The following CPA4 variants were observed in gnomAD, a reference collection of about 807,000 sequenced individuals.
CPA4 encodes carboxypeptidase A3.
A neutral mutation model predicts 54.7 loss-of-function variants in CPA4; 49 were observed. That is an observed-to-expected ratio of 0.90 (90% CI 0.71 to 1.14). The LOEUF (loss-of-function observed/expected upper bound fraction) is 1.14. Among genes scored for constraint, CPA4 ranks in the 50% most tolerant of loss-of-function variants. The pLI, the probability that CPA4 is intolerant of heterozygous loss-of-function variation, is 0.00. For missense variants in CPA4, 487 were observed against 525.1 expected (o/e 0.93, Z 0.71); for synonymous variants, 215 against 206.8 (o/e 1.04, Z -0.34).
At chr7:130,308,165 C>A in intron 7 of CPA4, 142 bp from the exon 8 acceptor site, 1 of 696,880 alleles carries the variant, frequency 1.4e-6, no homozygotes. Flanking sequence ...GAGACAACTG[C>A]TCAATGAGGA....
chr7:130,311,039 G>A (rs901800), intron 9 of CPA4, 53 bp downstream of exon 9: 426,687 of 1,439,810 alleles, frequency 0.3, 64,270 homozygotes, highest in South Asian at 0.34. Context: ...CCCTCCTGGC[G>A]CTGCTAAGGT....
At chr7:130,316,966 T>G (rs543103100) in intron 10 of CPA4, among the ~76,000 whole-genome samples, 34 of 149,276 alleles carry the variant, frequency 2.3e-4, no homozygotes, top group Non-Finnish European at 3.7e-4. Context: ...GGGGGTAGCA[T>G]ATATGAAGAG....
chr7:130,304,347 C>A, intron 4 of CPA4, 131 bp from the exon 5 acceptor site: 1 of 730,992 alleles, frequency 1.4e-6, no homozygotes, highest in Non-Finnish European at 2.5e-6. Flanking sequence ...GTTTCCATGC[C>A]GATAATATGG....
chr7:130,305,742 G>T, intron 5 of CPA4, 74 bp from the exon 6 acceptor site: 1 of 1,022,524 alleles, frequency 9.8e-7, no homozygotes, highest in South Asian at 1.3e-5. Context: ...ATGAATGGGA[G>T]AGAGCTGGAG....
intron 9 of CPA4, among the ~76,000 whole-genome samples, chr7:130,311,225 G>A (rs781496569): frequency 1.4e-4 from 22 of 152,144 alleles, no homozygotes; most frequent in Admixed American, 7.9e-4. Flanking sequence ...CCGCCTTTCC[G>A]TCTCCCTTGT....
rs149102144 is a variant in CPA4, at chr7:130,308,444, G to T, written c.793+47G>T. The T allele has an allele frequency of 2.5e-4, 374 of 1,496,006 alleles. 1 individual carries two copies. Among genetic ancestry groups the T allele is most frequent in the Admixed American group, 9.6e-4 (57 of 59,582 alleles). 92.7% of individuals were successfully genotyped at this position (1,496,006 alleles called of 1,614,324 possible). A position where few individuals can be genotyped will look rare whatever the true frequency, so the allele number is the denominator to read the frequency against. ...CTCAAATCCTGCTGTCCCTGGGCTC[G>T]CCTGGTCTACCAGTGCTCTGAGCTG... On this transcript the variant is annotated intron_variant, in intron 8 of 10. Coordinates refer to ENST00000222482, the MANE Select transcript of CPA4 (RefSeq NM_016352.4).
chr7:130,314,216 G>A lies in CPA4; in HGVS notation c.1078+2094G>A, dbSNP rs559588956. Among the ~76,000 whole-genome samples the A allele has an allele frequency of 1.2e-3, 184 of 152,332 alleles. 1 individual carries two copies. The highest frequency in any genetic ancestry group is 6.2e-4 in the South Asian group (3 of 4,830). On this transcript the variant is annotated intron_variant, in intron 10 of 10. Transcript: ENST00000222482. ...TAATGAGAGCGGTTGCACTGGTTAG[G>A]TGTTAAGGACCCTACAGGGAAATTT...
At chr7:130,294,245 C>T (rs1793616274) in intron 1 of CPA4, among the ~76,000 whole-genome samples, 1 of 152,224 alleles carries the variant, frequency 6.6e-6, no homozygotes, top group Non-Finnish European at 1.5e-5. Flanking sequence ...TTTGCTATAA[C>T]ACAAGTTCAT....
In CPA4 at chr7:130,312,018, C is replaced by T. The variant is rs184184193; in HGVS notation, c.994-20C>T. ...CTTCAGGATCGATTTTTTCTCACTC[C>T]ACGGATTCCCCCTTCCCAGGACAAG... On this transcript the variant is annotated intron_variant, in intron 9 of 10. Transcript: ENST00000222482. 317 of 1,605,454 alleles carry T rather than the reference C, an allele frequency of 2.0e-4. 1 individual carries two copies. The African/African-American group carries it at 3.7e-3, about 19-fold the overall frequency.
chr7:130,308,249 C>A, intron 7 of CPA4, 58 bp from the exon 8 acceptor site: 1 of 1,459,088 alleles, frequency 6.9e-7, no homozygotes, highest in Non-Finnish European at 9.6e-7. Context: ...CACCCTAGCC[C>A]TCTTCGGTGA....
rs773262606 is a variant in CPA4, at chr7:130,322,532, C to T, written c.1122C>T (p.Gly374=). The change falls in exon 11 of 11, where the codon GGC becomes GGT. Residue 374 remains glycine, a synonymous_variant. Coordinates refer to ENST00000222482, the MANE Select transcript of CPA4 (RefSeq NM_016352.4). ...GCATCGACTGGGCATATGACAACGGCATCAAATTTGCATTCACATTTGAGT... is the reference window on the plus strand; with the variant it reads ...GCATCGACTGGGCATATGACAACGGTATCAAATTTGCATTCACATTTGAGT... The part of the protein sequence containing the change: ...GSSIDWAYDN[G]IKFAFTFELR... The T allele has an allele frequency of 1.2e-6, 2 of 1,614,094 alleles. No individual in the cohort carries two copies. Among genetic ancestry groups the T allele is most frequent in the Non-Finnish European group, 1.7e-6 (2 of 1,179,966 alleles).
chr7:130,297,222 T>A (rs995266794), intron 1 of CPA4, among the ~76,000 whole-genome samples: 3 of 152,234 alleles, frequency 2.0e-5, no homozygotes, highest in African/African-American at 7.2e-5. Flanking sequence ...CCTGAAGCAC[T>A]GGGATCACAA....
intron 3 of CPA4, among the ~76,000 whole-genome samples, chr7:130,300,493 G>A (rs1325993002): frequency 6.6e-6 from 1 of 151,700 alleles, no homozygotes; most frequent in African/African-American, 2.4e-5. Context: ...GCACCACCAC[G>A]CCCAGCAAAT....
intron 4 of CPA4, among the ~76,000 whole-genome samples, chr7:130,303,652 C>G (rs1036477683): frequency 1.3e-5 from 2 of 152,106 alleles, no homozygotes; most frequent in African/African-American, 4.8e-5. Context: ...ATTTTTCAGA[C>G]AGGGTCTCAC....
intron 4 of CPA4, among the ~76,000 whole-genome samples, chr7:130,302,238 G>C (rs1793749682): frequency 6.6e-6 from 1 of 152,158 alleles, no homozygotes; most frequent in Admixed American, 6.5e-5. Flanking sequence ...TGTAATCCCA[G>C]AACTTTGGGA....
chr7:130,309,582 G>C (rs146167091), intron 8 of CPA4, among the ~76,000 whole-genome samples: 2 of 152,252 alleles, frequency 1.3e-5, no homozygotes, highest in East Asian at 3.9e-4. Context: ...AGTACCTTCC[G>C]GTATTTATCA....
intron 9 of CPA4, 95 bp from the exon 10 acceptor site, chr7:130,311,943 C>T: frequency 1.1e-6 from 1 of 894,758 alleles, no homozygotes. Context: ...TCGGGGGGGG[C>T]TGAGAATCTT....
At chr7:130,308,606 G>A (rs1373890004) in intron 8 of CPA4, among the ~76,000 whole-genome samples, 2 of 152,174 alleles carry the variant, frequency 1.3e-5, no homozygotes, top group Non-Finnish European at 2.9e-5. Flanking sequence ...CACCCAGGCT[G>A]GAGTGCAGTG....
chr7:130,302,330 A>G (rs538227761), intron 4 of CPA4, among the ~76,000 whole-genome samples: 1 of 152,218 alleles, frequency 6.6e-6, no homozygotes, highest in South Asian at 2.1e-4. Flanking sequence ...CAACTAAAAA[A>G]ATACAAAAAT....
Sources: allele counts gnomAD v4.1 joint callset (sites outside exome capture counted in the v4.1 genomes callset), GRCh38; gene constraint gnomAD v4.1.1; transcripts MANE v1.5; gene names NCBI Gene and HGNC (gene_info 2026-07-23, HGNC 2026-07-21).